Variants in GLI2 observed in about 807,000 individuals in gnomAD.
The protein encoded by GLI2 is GLI family zinc finger 2.
Under a neutral mutation model 78.9 loss-of-function variants are expected in GLI2, and 22 were observed. That is an observed-to-expected ratio of 0.28 (90% CI 0.20 to 0.40). The LOEUF (loss-of-function observed/expected upper bound fraction) is 0.40, where lower values mean the gene tolerates loss of function less well. Ranked by LOEUF, GLI2 falls within the 10% of genes least tolerant of loss-of-function variation. The pLI is 1.00. For missense variants in GLI2, 2,097 were observed against 2,213.2 expected (o/e 0.95, Z 1.05); for synonymous variants, 974 against 963.7 (o/e 1.01, Z -0.20).
chr2:120,959,007 T>C (rs942324046), intron 5 of GLI2, among the ~76,000 whole-genome samples: 2 of 152,304 alleles, frequency 1.3e-5, no homozygotes, highest in Admixed American at 6.5e-5. Flanking sequence ...AAAGATGCGC[T>C]CCAGCTAAGG....
At chr2:120,858,789 C>T (rs1020155466) in intron 2 of GLI2, among the ~76,000 whole-genome samples, 1 of 152,202 alleles carries the variant, frequency 6.6e-6, no homozygotes, top group Admixed American at 6.5e-5. Flanking sequence ...GGGGCACAGG[C>T]ATTTAATCAA....
At chr2:120,934,010 A>T (rs1558894267) in intron 3 of GLI2, among the ~76,000 whole-genome samples, 1 of 152,212 alleles carries the variant, frequency 6.6e-6, no homozygotes, top group Non-Finnish European at 1.5e-5. Flanking sequence ...GGTCTTAAAG[A>T]TGCCCATTCT....
intron 2 of GLI2, among the ~76,000 whole-genome samples, chr2:120,846,246 T>G (rs1657367955): frequency 6.6e-6 from 1 of 152,334 alleles, no homozygotes; most frequent in Middle Eastern, 3.4e-3. Context: ...TACAGCATGC[T>G]CCTGGTCCCT....
intron 1 of GLI2, among the ~76,000 whole-genome samples, chr2:120,769,890 G>A (rs985288498): frequency 2.0e-5 from 3 of 152,114 alleles, no homozygotes; most frequent in African/African-American, 7.2e-5. Flanking sequence ...GTGTGTGTGT[G>A]TGCATGTGCA....
intron 2 of GLI2, among the ~76,000 whole-genome samples, chr2:120,813,103 T>C (rs1454939796): frequency 6.6e-6 from 1 of 152,208 alleles, no homozygotes; most frequent in Non-Finnish European, 1.5e-5. Context: ...GTGTTGGCGC[T>C]CCTGGCCAGC....
rs375893166 is a variant in GLI2 at position 120,804,357 on chromosome 2, G to A, written c.148+6889G>A. On this transcript the variant is annotated intron_variant, in intron 2 of 13. Coordinates refer to ENST00000361492, the MANE Select transcript of GLI2 (RefSeq NM_001374353.1). ...TGTTCACCACTGTCCCCACATCCCC[G>A]CTTGCAGCAGACATCCCATAGGGGA... Among the ~76,000 whole-genome samples, 100 of 152,202 alleles carry A rather than the reference G, an allele frequency of 6.6e-4. No homozygotes were observed. The South Asian group carries it at 7.9e-3, about 12-fold the overall frequency.
intron 5 of GLI2, among the ~76,000 whole-genome samples, chr2:120,968,007 T>TG (rs553154984): frequency 7.4e-4 from 112 of 152,310 alleles, no homozygotes; most frequent in African/African-American, 2.6e-3. Flanking sequence ...TTAGTGGTGA[T>TG]TCCAGGTACA....
At chr2:120,837,148 A>G (rs1686650067) in intron 2 of GLI2, among the ~76,000 whole-genome samples, 1 of 152,004 alleles carries the variant, frequency 6.6e-6, no homozygotes, top group South Asian at 2.1e-4. Context: ...TAATCCCAGC[A>G]CTTTGGGAGG....
intron 1 of GLI2, among the ~76,000 whole-genome samples, chr2:120,767,088 C>T (rs369030711): frequency 2.6e-5 from 4 of 152,204 alleles, no homozygotes; most frequent in Admixed American, 6.5e-5. Flanking sequence ...CGGGAAGGCC[C>T]GACAGACATA....
chr2:120,860,881 A>G (rs761613493), intron 2 of GLI2, among the ~76,000 whole-genome samples: 2 of 152,150 alleles, frequency 1.3e-5, no homozygotes, highest in Non-Finnish European at 2.9e-5. Flanking sequence ...GGATTACCCC[A>G]TTTCTAATAT....
chr2:120,894,342 C>T (rs774321564), intron 2 of GLI2, among the ~76,000 whole-genome samples: 1 of 151,784 alleles, frequency 6.6e-6, no homozygotes, highest in Non-Finnish European at 1.5e-5. Flanking sequence ...CTGGGGCCCG[C>T]GTAGCTGATA....
At chr2:120,847,921 A>AG (rs1363793303) in intron 2 of GLI2, among the ~76,000 whole-genome samples, 1 of 151,842 alleles carries the variant, frequency 6.6e-6, no homozygotes, top group Non-Finnish European at 1.5e-5. Context: ...CGCTGTGGGG[A>AG]GGGGGTGCAG....
intron 3 of GLI2, among the ~76,000 whole-genome samples, chr2:120,932,158 C>T (rs546513199): frequency 2.0e-5 from 3 of 152,334 alleles, no homozygotes; most frequent in African/African-American, 7.2e-5. Flanking sequence ...ATCCATCAAG[C>T]CCATGTTGTA....
At chr2:120,912,851 A>G (rs1156692925) in intron 2 of GLI2, among the ~76,000 whole-genome samples, 6 of 152,056 alleles carry the variant, frequency 3.9e-5, no homozygotes, top group Admixed American at 2.6e-4. Flanking sequence ...GGTGCTGTCG[A>G]CCAGCTCTGC....
intron 2 of GLI2, among the ~76,000 whole-genome samples, chr2:120,923,216 A>T (rs1679473196): frequency 6.6e-6 from 1 of 151,054 alleles, no homozygotes. Context: ...TACAGCACAC[A>T]CGTACACATA....
chr2:120,767,007 C>T (rs911785282), intron 1 of GLI2, among the ~76,000 whole-genome samples: 4 of 152,176 alleles, frequency 2.6e-5, no homozygotes, highest in African/African-American at 9.7e-5. Context: ...GGCTTTTGGT[C>T]CCCTTAGCTG....
At chr2:120,895,048 C>A (rs1677877920) in intron 2 of GLI2, among the ~76,000 whole-genome samples, 1 of 151,516 alleles carries the variant, frequency 6.6e-6, no homozygotes, top group Admixed American at 6.6e-5. Flanking sequence ...GAGGACCTGG[C>A]TGATGGGGAG....
rs748468288 is a variant in GLI2, at chr2:120,927,378, C to G, written c.166C>G (p.Pro56Ala). ...CTCTGCAGTGCCGCAGCATCTCTTG[C>G]CACCATTCCATGCGCCCCTACCGAT... ...AAQGVPQHLL[P>A]PFHAPLPIDM... is the part of the protein sequence containing the mutation. Residue 56 changes from proline to alanine, a missense_variant, in exon 3 of 14, where the codon CCA becomes GCA. Pro to Ala is a conservative substitution (Grantham distance 27, BLOSUM62 -1). Around this residue, in one of 5 missense-constraint regions of GLI2, gnomAD observed 578 missense variants for 612.0 expected, o/e 0.94. Transcript: ENST00000361492. 2 of 1,613,314 alleles carry G rather than the reference C, an allele frequency of 1.2e-6. No homozygotes were observed. The highest frequency in any genetic ancestry group is 1.7e-6 in the Non-Finnish European group (2 of 1,179,224).
intron 11 of GLI2, among the ~76,000 whole-genome samples, chr2:120,984,127 T>TGAGC (rs1682852557): frequency 6.6e-6 from 1 of 152,140 alleles, no homozygotes; most frequent in Admixed American, 6.5e-5. Context: ...GAGGGTACAC[T>TGAGC]GAGCTCGTAC....
Sources: gnomAD v4.1 joint callset for allele counts (sites outside exome capture counted in the v4.1 genomes callset) on GRCh38, gnomAD v4.1.1 for gene constraint, gnomAD v4.1.1 regional missense constraint, MANE v1.5 for transcripts, NCBI Gene and HGNC (gene_info 2026-07-23, HGNC 2026-07-21) for gene names.